GNAI1: variants seen among roughly 807,000 people sequenced by gnomAD.
GNAI1 encodes the protein G protein subunit alpha i1, also known as guanine nucleotide-binding protein G(i) subunit alpha-1.
In GNAI1, 11 loss-of-function variants were observed where a neutral mutation model predicts 38.9. The observed-to-expected ratio is 0.28, with a 90% CI of 0.18 to 0.47. The LOEUF is 0.47. GNAI1 is among the 20% of genes least tolerant of loss of function. The probability of loss-of-function intolerance (pLI) is 0.99; values close to 1 mark genes in which losing one functional copy is unlikely to be tolerated. For synonymous variants in GNAI1, 166 were observed against 145.1 expected, an observed-to-expected ratio of 1.14 and a Z score of -1.04; for missense variants, 317 against 436.9, an observed-to-expected ratio of 0.73 and a Z score of 2.45.
At chr7:80,162,463 C>T (rs924190983) in intron 1 of GNAI1, among the ~76,000 whole-genome samples, 6 of 152,156 alleles carry the variant, frequency 3.9e-5, no homozygotes, top group Admixed American at 6.5e-5. Context: ...GCTTCTCAAA[C>T]TGAAGGTACA....
chr7:80,208,539 G>T (rs971840424), intron 5 of GNAI1, among the ~76,000 whole-genome samples: 8 of 152,188 alleles, frequency 5.3e-5, no homozygotes, highest in Middle Eastern at 6.8e-3. Context: ...TCAAAAGGAT[G>T]GTCCCCCAAG....
At chr7:80,137,458 C>T (rs1254724338) in intron 1 of GNAI1, among the ~76,000 whole-genome samples, 7 of 151,064 alleles carry the variant, frequency 4.6e-5, no homozygotes, top group African/African-American at 1.7e-4. Flanking sequence ...GTACCCGGGA[C>T]TACAGGTGCG....
intron 6 of GNAI1, 107 bp downstream of exon 6, chr7:80,211,205 C>A: frequency 1.1e-6 from 1 of 901,854 alleles, no homozygotes; most frequent in Admixed American, 2.8e-5. Flanking sequence ...AGGGTCTTTC[C>A]TCTAACTTTT....
Position 80,217,522 on chromosome 7 carries a change from T to G in GNAI1, c.*29T>G. ...TTGCAGTTCATGGTAAAATGCATTT[T>G]CAAACCAAATGAGTACTTATATATG... On this transcript the variant is annotated 3_prime_UTR_variant, in exon 8 of 8. Coordinates refer to ENST00000649796, the MANE Select transcript of GNAI1 (RefSeq NM_002069.6). The G allele has an allele frequency of 7.6e-7, 1 of 1,318,438 alleles. No individual in the cohort carries two copies. The highest frequency in any genetic ancestry group is 1.1e-6 in the Non-Finnish European group (1 of 936,280). 81.7% of individuals were successfully genotyped at this position (1,318,438 alleles called of 1,614,324 possible).
chr7:80,152,558 C>CTTTT (rs35141470), intron 1 of GNAI1, among the ~76,000 whole-genome samples: 11 of 103,004 alleles, frequency 1.1e-4, no homozygotes, highest in East Asian at 2.7e-4. Flanking sequence ...GGTCTCAATT[C>CTTTT]TTTTTTTTTT....
intron 1 of GNAI1, among the ~76,000 whole-genome samples, chr7:80,137,606 C>G (rs1027875443): frequency 5.3e-5 from 8 of 152,270 alleles, no homozygotes; most frequent in Middle Eastern, 3.4e-3. Flanking sequence ...AGGCGTGAGC[C>G]ACCTTGCCCG....
chr7:80,148,406 T>C (rs1251756144), intron 1 of GNAI1, among the ~76,000 whole-genome samples: 1 of 152,122 alleles, frequency 6.6e-6, no homozygotes, highest in African/African-American at 2.4e-5. Flanking sequence ...AAGATCTTAG[T>C]GGCCCCTTTT....
At chr7:80,138,778 G>T (rs1053404502) in intron 1 of GNAI1, among the ~76,000 whole-genome samples, 1 of 151,870 alleles carries the variant, frequency 6.6e-6, no homozygotes, top group Non-Finnish European at 1.5e-5. Context: ...CCTTCCTTCC[G>T]CTCCACTCCC....
In GNAI1 at chr7:80,222,791, AGTT is replaced by A. The variant is rs894573993; in HGVS notation, c.*5301_*5303del. Among the ~76,000 whole-genome samples, 9 of 152,308 alleles carry A rather than the reference AGTT, an allele frequency of 5.9e-5. No homozygotes were observed. The highest frequency in any genetic ancestry group is 2.2e-4 in the African/African-American group (9 of 41,562). The stretch of plus-strand genomic sequence containing the variant: ...TAAGAGTGCCACTTTTAGTAAAAGA[AGTT>A]GTCACCTAGAAGAAAGTACAGGTGC... On this transcript the variant is annotated 3_prime_UTR_variant, in exon 8 of 8. Transcript: ENST00000649796.
At chr7:80,205,262 T>C (rs1423681386) in intron 5 of GNAI1, among the ~76,000 whole-genome samples, 1 of 152,188 alleles carries the variant, frequency 6.6e-6, no homozygotes, top group East Asian at 1.9e-4. Context: ...TTAAATGAGT[T>C]GTAGACTTAC....
intron 4 of GNAI1, among the ~76,000 whole-genome samples, chr7:80,201,957 A>G (rs1483703644): frequency 2.0e-5 from 3 of 152,166 alleles, no homozygotes; most frequent in African/African-American, 4.8e-5. Flanking sequence ...CTAGCCACCA[A>G]TTCACACTTT....
chr7:80,200,868 A>G (rs1008563732), intron 4 of GNAI1, among the ~76,000 whole-genome samples: 4 of 152,196 alleles, frequency 2.6e-5, no homozygotes, highest in Non-Finnish European at 4.4e-5. Context: ...ATCATATCCT[A>G]TACAAAGAAA....
chr7:80,151,421 C>G (rs963025139), intron 1 of GNAI1, among the ~76,000 whole-genome samples: 1 of 151,726 alleles, frequency 6.6e-6, no homozygotes, highest in African/African-American at 2.4e-5. Flanking sequence ...AAATTACACA[C>G]AAAACCACAA....
At chr7:80,208,206 T>A (rs1193031789) in intron 5 of GNAI1, among the ~76,000 whole-genome samples, 9 of 152,246 alleles carry the variant, frequency 5.9e-5, no homozygotes, top group Admixed American at 4.6e-4. Context: ...ATTTCCTATG[T>A]GATGTTGGTT....
rs1789129050 is a variant in GNAI1, at chr7:80,224,585, A to ATG, written c.*7092_*7093insTG. 2.0e-5 allele frequency among the ~76,000 whole-genome samples: 3 copies of ATG among 152,246 alleles called. No individual in the cohort carries two copies. Among genetic ancestry groups the ATG allele is most frequent in the Non-Finnish European group, 2.9e-5 (2 of 68,054 alleles). On this transcript the variant is annotated 3_prime_UTR_variant, in exon 8 of 8. Transcript: ENST00000649796. ...GCATGTCCAACAGCATTGCCTGAAC[A>ATG]GATGTTAATAAGTATGCATGATGCA...
rs1035187931 is a variant in GNAI1, at chr7:80,136,043, C to T, written c.118+765C>T. 9.1e-6 allele frequency: 9 copies of T among 985,254 alleles called. No homozygotes were observed. In the African/African-American group the frequency reaches 1.0e-4, roughly 11 times the overall value. The allele number at this position is 985,254 out of a possible 1,614,324, so 61.0% of individuals were successfully genotyped here. A position where few individuals can be genotyped will look rare whatever the true frequency, so the allele number is the denominator to read the frequency against. Reference sequence around the variant, plus strand: ...AGACAACAGGGTTCTGTCTCCGCTGCCACCGTTTCTGATGAATGAGATTTG... The same window carrying T: ...AGACAACAGGGTTCTGTCTCCGCTGTCACCGTTTCTGATGAATGAGATTTG... On this transcript the variant is annotated intron_variant, in intron 1 of 7. Transcript: ENST00000649796.
chr7:80,155,366 G>A (rs1787800954), intron 1 of GNAI1, among the ~76,000 whole-genome samples: 1 of 152,022 alleles, frequency 6.6e-6, no homozygotes, highest in South Asian at 2.1e-4. Context: ...ATCGAATTCT[G>A]TATTTCTATC....
chr7:80,212,937 G>T (rs1389020979), intron 7 of GNAI1, 68 bp downstream of exon 7: 1 of 1,007,964 alleles, frequency 9.9e-7, no homozygotes, highest in Non-Finnish European at 1.5e-6. Context: ...CCTAAGGCAA[G>T]AATTCAGTTG....
In GNAI1 at chr7:80,216,876, GA is replaced by G. The variant is rs574756232; in HGVS notation, c.875-423del. ...AAGAATGCAAATTAATGTATATATA[GA>G]AAAGGGAGGAAAAAATACTGATCAG... On this transcript the variant is annotated intron_variant, in intron 7 of 7. Coordinates refer to ENST00000649796, the MANE Select transcript of GNAI1 (RefSeq NM_002069.6). 1.2e-3 allele frequency among the ~76,000 whole-genome samples: 175 copies of G among 152,138 alleles called. 8 individuals carry two copies. In the South Asian group the frequency reaches 0.034, roughly 30 times the overall value.
Sources: gnomAD v4.1 joint callset for allele counts (sites outside exome capture counted in the v4.1 genomes callset) on GRCh38, gnomAD v4.1.1 for gene constraint, MANE v1.5 for transcripts, NCBI Gene and HGNC (gene_info 2026-07-23, HGNC 2026-07-21) for gene names.